Variants in CEP135 observed in about 807,000 individuals in gnomAD.
CEP135 encodes the protein centrosomal protein 135.
In CEP135, 142 loss-of-function variants were observed where a neutral mutation model predicts 157.3. The ratio of observed to expected loss-of-function variants is 0.90; its 90% CI spans 0.79 to 1.04. The LOEUF is 1.04. Among genes scored for constraint, CEP135 ranks in the 50% least tolerant of loss-of-function variants. CEP135 has a pLI of 0.00. For synonymous variants in CEP135, 396 were observed against 439.8 expected (o/e 0.90, Z 1.25); for missense variants, 1,317 against 1,309.2 (o/e 1.01, Z -0.09).
intron 10 of CEP135, among the ~76,000 whole-genome samples, chr4:55,972,209 G>A (rs1299894577): frequency 1.3e-5 from 2 of 152,126 alleles, no homozygotes; most frequent in African/African-American, 4.8e-5. Context: ...ATCACCTCCT[G>A]TGTGGGTGTG....
chr4:55,969,464 A>G (rs1323322744), intron 9 of CEP135, among the ~76,000 whole-genome samples: 2 of 150,466 alleles, frequency 1.3e-5, no homozygotes, highest in East Asian at 1.9e-4. Context: ...GAAAATTTGT[A>G]TGCTTTGTTT....
chr4:55,972,013 G>T (rs1215389884), intron 10 of CEP135, among the ~76,000 whole-genome samples: 5 of 152,130 alleles, frequency 3.3e-5, no homozygotes, highest in Non-Finnish European at 7.3e-5. Flanking sequence ...AACTGGGCGT[G>T]GTGGCATGCG....
At chr4:55,999,860 T>C (rs1184254311) in intron 17 of CEP135, among the ~76,000 whole-genome samples, 1 of 152,166 alleles carries the variant, frequency 6.6e-6, no homozygotes, top group Non-Finnish European at 1.5e-5. Context: ...GAAAAGTTTA[T>C]TGTATTTTCA....
intron 4 of CEP135, 45 bp from the exon 5 acceptor site, chr4:55,957,178 T>C: frequency 2.5e-6 from 4 of 1,594,116 alleles, no homozygotes; most frequent in South Asian, 1.1e-5. Flanking sequence ...TTCTAAGACA[T>C]GGTTTTGTTT....
intron 5 of CEP135, 64 bp from the exon 6 acceptor site, chr4:55,959,618 C>A: frequency 7.4e-7 from 1 of 1,356,196 alleles, no homozygotes; most frequent in Non-Finnish European, 1.0e-6. Flanking sequence ...ACACATCTAG[C>A]TTCGTTTCTT....
intron 21 of CEP135, among the ~76,000 whole-genome samples, chr4:56,016,070 A>G (rs927361804): frequency 2.0e-5 from 3 of 152,164 alleles, no homozygotes; most frequent in Non-Finnish European, 2.9e-5. Context: ...TCCTTCAAAG[A>G]TGAGGGAAAT....
chr4:55,988,065 AG>A (rs1392684344), intron 14 of CEP135, among the ~76,000 whole-genome samples: 1 of 152,228 alleles, frequency 6.6e-6, no homozygotes, highest in African/African-American at 2.4e-5. Flanking sequence ...GAATCTTTAT[AG>A]GAAACATTAT....
intron 1 of CEP135, among the ~76,000 whole-genome samples, chr4:55,950,167 T>C (rs1728318082): frequency 6.6e-6 from 1 of 152,146 alleles, no homozygotes; most frequent in Non-Finnish European, 1.5e-5. Flanking sequence ...GAGAAAGATA[T>C]ACAGAAAGGA....
At chr4:55,980,034 G>A (rs1484936811) in intron 11 of CEP135, 109 bp from the exon 12 acceptor site, 1 of 883,894 alleles carries the variant, frequency 1.1e-6, no homozygotes, top group East Asian at 2.5e-5. Flanking sequence ...TACGTTAAAG[G>A]CACTTGTGTT....
At chr4:55,977,478 T>C (rs1018160918) in intron 11 of CEP135, among the ~76,000 whole-genome samples, 11 of 152,204 alleles carry the variant, frequency 7.2e-5, no homozygotes, top group African/African-American at 2.7e-4. Context: ...GAACCCTGTT[T>C]TCCTCATTTG....
At position 55,965,810 on chromosome 4, in the gene CEP135, A is replaced by T; in HGVS notation, c.995A>T (p.His332Leu). ...IDQLAQQLER[H>L]KEEVLETADK... ...CAGTTAGCACAGCAGTTGGAAAGAC[A>T]TAAAGAAGAAGTGCTTGAGACTGCT... Residue 332 changes from histidine to leucine, a missense_variant, in exon 8 of 26, where the codon CAT becomes CTT. Transcript: ENST00000257287. 1 of 1,613,788 alleles carries T rather than the reference A, an allele frequency of 6.2e-7. No individual in the cohort carries two copies. Among genetic ancestry groups the T allele is most frequent in the Non-Finnish European group, 8.5e-7 (1 of 1,179,794 alleles).
chr4:55,990,081 T>C (rs1423270934), intron 14 of CEP135, among the ~76,000 whole-genome samples: 3 of 152,232 alleles, frequency 2.0e-5, no homozygotes, highest in African/African-American at 7.2e-5. Context: ...CTTGTAAATT[T>C]TTTTCCTTTT....
At chr4:55,965,586 T>G in intron 7 of CEP135, 58 bp from the exon 8 acceptor site, 2 of 1,114,876 alleles carry the variant, frequency 1.8e-6, no homozygotes, top group Non-Finnish European at 2.6e-6. Flanking sequence ...ATTTGGAAAG[T>G]CAGTGTTTAG....
At chr4:55,979,634 C>T (rs1005916600) in intron 11 of CEP135, among the ~76,000 whole-genome samples, 2 of 152,060 alleles carry the variant, frequency 1.3e-5, no homozygotes, top group Admixed American at 6.6e-5. Flanking sequence ...CCTGCTGGCC[C>T]CTTCTCTGGA....
chr4:56,022,755 G>A lies in CEP135; in HGVS notation c.3321-1746G>A, dbSNP rs1402246665. Reference sequence around the variant, plus strand: ...TAGGATTCTTTCCAATCTGACTTTTGGGAGTTTTGAGACAGGAAGACGGAA... The same window carrying A: ...TAGGATTCTTTCCAATCTGACTTTTAGGAGTTTTGAGACAGGAAGACGGAA... On this transcript the variant is annotated intron_variant, in intron 24 of 25. Transcript: ENST00000257287. Among the ~76,000 whole-genome samples the A allele has an allele frequency of 2.0e-5, 3 of 152,136 alleles. No homozygotes were observed. In the East Asian group the frequency reaches 5.8e-4, roughly 29 times the overall value.
In CEP135 at chr4:56,024,732, G is replaced by A. The variant is rs76941806; in HGVS notation, c.*11+118G>A. 822 of 673,322 alleles carry A rather than the reference G, an allele frequency of 1.2e-3. 7 individuals carry two copies. The African/African-American group carries it at 0.013, about 11-fold the overall frequency. The allele number at this position is 673,322 out of a possible 1,614,324, so 41.7% of individuals were successfully genotyped here. On this transcript the variant is annotated intron_variant, in intron 25 of 25. Transcript: ENST00000257287. ...GGTAAGGCGTTCAGGAGAACTTCCT[G>A]GAGTAATGGAAAAGTTCTATATCTT...
chr4:55,998,941 T>C (rs909661471), intron 15 of CEP135, among the ~76,000 whole-genome samples: 2 of 152,204 alleles, frequency 1.3e-5, no homozygotes, highest in Non-Finnish European at 2.9e-5. Context: ...CAGGTCATAC[T>C]GTAAGAACAG....
chr4:55,957,184 T>G, intron 4 of CEP135, 39 bp from the exon 5 acceptor site: 1 of 1,602,792 alleles, frequency 6.2e-7, no homozygotes, highest in Non-Finnish European at 8.5e-7. Context: ...GACATGGTTT[T>G]GTTTCTTCTT....
At chr4:55,988,530 C>A (rs768515020) in intron 14 of CEP135, among the ~76,000 whole-genome samples, 2 of 151,926 alleles carry the variant, frequency 1.3e-5, no homozygotes, top group Non-Finnish European at 2.9e-5. Flanking sequence ...TGAGGTGGCA[C>A]GCGCCTGTAG....
Sources: gnomAD v4.1 joint callset for allele counts (sites outside exome capture counted in the v4.1 genomes callset) on GRCh38, gnomAD v4.1.1 for gene constraint, MANE v1.5 for transcripts, NCBI Gene and HGNC (gene_info 2026-07-23, HGNC 2026-07-21) for gene names.